COL24A1: variants seen among roughly 807,000 people sequenced by gnomAD.
The protein encoded by COL24A1 is collagen alpha-1(XXIV) chain.
Under a neutral mutation model 253.9 loss-of-function variants are expected in COL24A1, and 224 were observed. That is an observed-to-expected ratio of 0.88 (90% CI 0.79 to 0.99). COL24A1 has a LOEUF of 0.99. Ranked by LOEUF, COL24A1 falls within the 50% of genes least tolerant of loss-of-function variation. COL24A1 has a pLI of 0.00. For missense variants in COL24A1, 2,131 were observed against 2,068.5 expected (o/e 1.03, Z -0.59); for synonymous variants, 685 against 673.7 (o/e 1.02, Z -0.26).
intron 7 of COL24A1, among the ~76,000 whole-genome samples, chr1:86,066,231 CTT>C (rs71078637): frequency 0.13 from 11,139 of 84,084 alleles, 141 homozygotes; most frequent in African/African-American, 0.2. Context: ...CCTAAGTCTC[CTT>C]TTTTTTTTTT....
intron 19 of COL24A1, among the ~76,000 whole-genome samples, chr1:85,994,126 C>T (rs1251181756): frequency 2.0e-5 from 3 of 151,616 alleles, no homozygotes; most frequent in Admixed American, 1.3e-4. Context: ...TTAAATGTAT[C>T]TTCTGAGTAG....
chr1:85,830,250 G>T (rs1239872872), intron 43 of COL24A1, among the ~76,000 whole-genome samples: 3 of 152,106 alleles, frequency 2.0e-5, no homozygotes, highest in African/African-American at 7.2e-5. Context: ...TCAGGGGTCA[G>T]GGACCCACTT....
At chr1:86,014,837 A>G (rs1161795629) in intron 19 of COL24A1, among the ~76,000 whole-genome samples, 2 of 152,076 alleles carry the variant, frequency 1.3e-5, no homozygotes, top group Non-Finnish European at 2.9e-5. Context: ...ATCCTTCTAA[A>G]TAACCTTTAG....
At chr1:86,026,623 T>TTCCTTTATAAATTACCCAGTC (rs1477545626) in intron 14 of COL24A1, among the ~76,000 whole-genome samples, 2 of 152,226 alleles carry the variant, frequency 1.3e-5, no homozygotes, top group African/African-American at 4.8e-5. Flanking sequence ...TTAAATCTCT[T>TTCCTTTATAAATTACCCAGTC]TCCTTTATAA....
intron 28 of COL24A1, among the ~76,000 whole-genome samples, chr1:85,906,283 G>A (rs1352604325): frequency 4.1e-4 from 2 of 4,868 alleles, no homozygotes; most frequent in Non-Finnish European, 1.0e-3. Flanking sequence ...TTTTTACCAT[G>A]GTTAGGTAGA....
Position 85,995,761 on chromosome 1 carries a change from T to G in COL24A1, c.2311-8107A>C, listed in dbSNP as rs558266908. On this transcript the variant is annotated intron_variant, in intron 19 of 59. Transcript: ENST00000370571. Reference sequence around the variant, plus strand: ...TGAATCATGGGGGCAGATTTCACCCTCAGTGCTGCTCTCATGATACTGAGT... The same window carrying G: ...TGAATCATGGGGGCAGATTTCACCCGCAGTGCTGCTCTCATGATACTGAGT... 6.6e-5 allele frequency among the ~76,000 whole-genome samples: 10 copies of G among 152,318 alleles called. No homozygotes were observed. The South Asian group carries it at 8.3e-4, about 13-fold the overall frequency.
At chr1:85,897,664 T>C (rs2102816004) in intron 28 of COL24A1, among the ~76,000 whole-genome samples, 1 of 152,316 alleles carries the variant, frequency 6.6e-6, no homozygotes. Flanking sequence ...AATGACAGAA[T>C]AGTCTTCCAT....
intron 47 of COL24A1, among the ~76,000 whole-genome samples, chr1:85,803,171 T>C (rs449901): frequency 0.84 from 126,998 of 152,026 alleles, 53,502 homozygotes; most frequent in Non-Finnish European, 0.89. Context: ...ATATAGAGGC[T>C]GGGTGCAGTG....
intron 24 of COL24A1, among the ~76,000 whole-genome samples, chr1:85,921,979 C>T (rs138999673): frequency 1.1e-4 from 16 of 152,036 alleles, no homozygotes; most frequent in Admixed American, 4.6e-4. Flanking sequence ...TTAAGTGACC[C>T]GAGGGAGCTG....
At chr1:85,902,026 T>C (rs1187237727) in intron 28 of COL24A1, among the ~76,000 whole-genome samples, 2 of 152,074 alleles carry the variant, frequency 1.3e-5, no homozygotes, top group Admixed American at 1.3e-4. Context: ...GTGGTATATG[T>C]ACACAATGGA....
chr1:85,938,927 TCA>T (rs780655846), intron 24 of COL24A1, among the ~76,000 whole-genome samples: 17 of 152,314 alleles, frequency 1.1e-4, no homozygotes, highest in Non-Finnish European at 2.2e-4. Flanking sequence ...AGGGTCTGTG[TCA>T]CAGATTGACT....
chr1:85,808,927 C>T (rs1422950850), intron 47 of COL24A1, among the ~76,000 whole-genome samples: 1 of 152,122 alleles, frequency 6.6e-6, no homozygotes, highest in African/African-American at 2.4e-5. Flanking sequence ...GGAATGAGTG[C>T]TGCTGATTGG....
chr1:85,896,118 A>AGTATG lies in COL24A1; in HGVS notation c.2833-54_2833-53insCATAC, dbSNP rs1446944541. 2.5e-4 allele frequency: 385 copies of AGTATG among 1,566,976 alleles called. 4 individuals are homozygous for AGTATG. The highest frequency in any genetic ancestry group is 1.0e-3 in the Middle Eastern group (6 of 5,804). On this transcript the variant is annotated intron_variant, in intron 29 of 59. Transcript: ENST00000370571. Reference sequence around the variant, plus strand: ...TAGTAAGAATGTGAATTATGGTCTTACTATGCTAGCATATGCTAGCATACA... The same window carrying AGTATG: ...TAGTAAGAATGTGAATTATGGTCTTAGTATGCTATGCTAGCATATGCTAGCATACA...
chr1:85,846,997 C>T (rs559974682), intron 39 of COL24A1, among the ~76,000 whole-genome samples: 24 of 152,184 alleles, frequency 1.6e-4, no homozygotes, highest in African/African-American at 3.9e-4. Flanking sequence ...AATGGAAATA[C>T]GCATGCATTT....
chr1:86,155,249 C>T (rs1325683975), intron 1 of COL24A1: 1 of 151,894 alleles, frequency 6.6e-6, no homozygotes, highest in Non-Finnish European at 1.5e-5. Flanking sequence ...GCGCGCGAGC[C>T]CCAGCCAGGC....
intron 40 of COL24A1, 98 bp from the exon 41 acceptor site, chr1:85,842,219 G>A (rs527796896): frequency 7.3e-7 from 1 of 1,367,712 alleles, no homozygotes; most frequent in African/African-American, 1.4e-5. Context: ...CTAGGAGGAT[G>A]AGACCTAAAT....
intron 24 of COL24A1, among the ~76,000 whole-genome samples, chr1:85,942,603 G>T (rs1256260134): frequency 1.3e-5 from 2 of 152,020 alleles, no homozygotes; most frequent in Non-Finnish European, 2.9e-5. Flanking sequence ...GTCATAATCT[G>T]GAATGTTGAA....
intron 24 of COL24A1, among the ~76,000 whole-genome samples, chr1:85,919,919 A>T (rs10873736): frequency 0.31 from 47,715 of 152,134 alleles, 8,504 homozygotes; most frequent in East Asian, 0.51. Flanking sequence ...TGTGAAATCT[A>T]ACTCAATTAG....
intron 39 of COL24A1, 62 bp from the exon 40 acceptor site, chr1:85,842,455 C>A (rs1676717827): frequency 3.7e-6 from 4 of 1,083,240 alleles, no homozygotes; most frequent in Non-Finnish European, 5.6e-6. Context: ...AATCATTAGA[C>A]TTCTACTCCT....
Sources: allele counts gnomAD v4.1 joint callset (sites outside exome capture counted in the v4.1 genomes callset), GRCh38; gene constraint gnomAD v4.1.1; transcripts MANE v1.5; gene names NCBI Gene and HGNC (gene_info 2026-07-23, HGNC 2026-07-21).